RBBP6: variants seen among roughly 807,000 people sequenced by gnomAD.
RBBP6 encodes the protein RB binding protein 6, ubiquitin ligase, also known as E3 ubiquitin-protein ligase RBBP6.
RBBP6 carries 25 observed loss-of-function variants against 167.7 expected under a neutral mutation model. That is an observed-to-expected ratio of 0.15 (90% CI 0.11 to 0.21). The LOEUF (loss-of-function observed/expected upper bound fraction) is 0.21, where lower values mean the gene tolerates loss of function less well. RBBP6 is among the 10% of genes least tolerant of loss of function. The probability of loss-of-function intolerance (pLI) is 1.00; values close to 1 mark genes in which losing one functional copy is unlikely to be tolerated. For missense variants in RBBP6, 1,868 were observed against 2,134.2 expected, an observed-to-expected ratio of 0.88 and a Z score of 2.46; for synonymous variants, 789 against 735.8, an observed-to-expected ratio of 1.07 and a Z score of -1.17.
intron 7 of RBBP6, among the ~76,000 whole-genome samples, chr16:24,558,037 TC>T (rs1299349142): frequency 6.6e-6 from 1 of 152,260 alleles, no homozygotes; most frequent in Non-Finnish European, 1.5e-5. Flanking sequence ...TGTTTCTAAT[TC>T]AGAGACATTT....
At chr16:24,544,987 G>A (rs187975276) in intron 1 of RBBP6, among the ~76,000 whole-genome samples, 34 of 152,210 alleles carry the variant, frequency 2.2e-4, no homozygotes, top group Non-Finnish European at 4.3e-4. Flanking sequence ...AACACAGGTC[G>A]TCATTATCTC....
chr16:24,564,120 C>T (rs182563856), intron 13 of RBBP6, among the ~76,000 whole-genome samples: 2 of 151,964 alleles, frequency 1.3e-5, no homozygotes, highest in East Asian at 1.9e-4. Flanking sequence ...TGTCTGAAAT[C>T]GAGTTGTTCT....
intron 13 of RBBP6, among the ~76,000 whole-genome samples, chr16:24,564,248 C>A (rs1449994364): frequency 1.3e-5 from 2 of 151,780 alleles, no homozygotes; most frequent in East Asian, 3.9e-4. Context: ...TTATATAATC[C>A]GATTGAAAAT....
Position 24,571,626 on chromosome 16 carries a change from T to C in RBBP6, c.4560T>C (p.Asp1520=), listed in dbSNP as rs1431332795. ...AAAATAAACCAAGGGAAGAGAGAGA[T>C]TTGCCTAAAAAAGGAACAGGAGATT... ...GQKNKPREER[D]LPKKGTGDSK... is the part of the protein sequence containing the mutation. Residue 1520 remains aspartate (D), a synonymous_variant, in exon 18 of 18, where the codon GAT becomes GAC. Coordinates refer to ENST00000319715, the MANE Select transcript of RBBP6 (RefSeq NM_006910.5). 5.6e-6 allele frequency: 9 copies of C among 1,611,236 alleles called. No individual in the cohort carries two copies. The African/African-American group carries it at 1.1e-4, about 19-fold the overall frequency.
intron 2 of RBBP6, among the ~76,000 whole-genome samples, chr16:24,548,172 C>G (rs1898706805): frequency 6.6e-6 from 1 of 152,142 alleles, no homozygotes; most frequent in South Asian, 2.1e-4. Flanking sequence ...CTTCCCCTTT[C>G]CTGTGTGGAT....
chr16:24,545,342 T>G (rs8059872), intron 1 of RBBP6, among the ~76,000 whole-genome samples: 152,211 of 152,302 alleles, frequency 1, 76,061 homozygotes, highest in Middle Eastern at 1. Flanking sequence ...AAAATGCTGG[T>G]ATTACAGGCG....
intron 7 of RBBP6, chr16:24,558,361 A>G (rs1001936967): frequency 5.4e-6 from 3 of 553,528 alleles, no homozygotes; most frequent in Non-Finnish European, 6.9e-6. Flanking sequence ...TTCTTTTTCT[A>G]TCCTCTGTTC....
chr16:24,541,201 AAAC>A (rs756241529), intron 1 of RBBP6, among the ~76,000 whole-genome samples: 12,506 of 101,900 alleles, frequency 0.12, 972 homozygotes, highest in Middle Eastern at 0.19. Flanking sequence ...AACAAAAAAA[AAAC>A]CAAAAAAACA....
chr16:24,565,868 A>T (rs1464428396), intron 14 of RBBP6, among the ~76,000 whole-genome samples: 1 of 152,144 alleles, frequency 6.6e-6, no homozygotes, highest in Non-Finnish European at 1.5e-5. Flanking sequence ...GAAGTTCAAG[A>T]TTAGCCTGGG....
chr16:24,570,580 T>C (rs1899302425), intron 17 of RBBP6, 81 bp downstream of exon 17: 2 of 1,262,328 alleles, frequency 1.6e-6, no homozygotes, highest in Non-Finnish European at 2.1e-6. Context: ...GTGCTTTTTA[T>C]ATTAATTATG....
intron 2 of RBBP6, among the ~76,000 whole-genome samples, chr16:24,547,366 T>A (rs1898683889): frequency 6.6e-6 from 1 of 152,246 alleles, no homozygotes; most frequent in Admixed American, 6.5e-5. Context: ...CTTTCCTTGT[T>A]GTAATTGCCA....
rs1898443307 is a variant in RBBP6, at chr16:24,540,074, CCTGGGG to C, written c.-552_-547del. The C allele has an allele frequency of 1.3e-5, 2 of 153,764 alleles. No individual in the cohort carries two copies. Among genetic ancestry groups the C allele is most frequent in the African/African-American group, 2.4e-5 (1 of 41,556 alleles). The allele number at this position is 153,764 out of a possible 1,614,324, so 9.5% of individuals were successfully genotyped here. ...TGTGCGGTGGGGGCCTGGGCCTGGG[CCTGGGG>C]AAGCTGACGCCGGTCGTCCGGAAGC... On this transcript the variant is annotated 5_prime_UTR_variant, in exon 1 of 18. Coordinates refer to ENST00000319715, the MANE Select transcript of RBBP6 (RefSeq NM_006910.5).
At chr16:24,556,226 C>G in intron 6 of RBBP6, 82 bp from the exon 7 acceptor site, 1 of 1,117,706 alleles carries the variant, frequency 8.9e-7, no homozygotes, top group Non-Finnish European at 1.3e-6. Flanking sequence ...ATATAGTAAG[C>G]ACTGTATAAC....
At chr16:24,555,067 A>G (rs776099096) in intron 4 of RBBP6, 2 of 152,466 alleles carry the variant, frequency 1.3e-5, no homozygotes, top group Non-Finnish European at 2.9e-5. Flanking sequence ...GACCTTGTAT[A>G]TCATACCTCA....
rs781698064 is a variant in RBBP6 at position 24,540,633 on chromosome 16, T to C, written c.7T>C (p.Cys3Arg). ...TTAGGAATCCCTTGGCACCATGTCC[T>C]GTGTGCATTATAAATTTTCCTCTAA... The part of the protein sequence containing the change: MS[C>R]VHYKFSSKLN... Residue 3 changes from cysteine (C) to arginine (R), a missense_variant, in exon 1 of 18, where the codon TGT (cysteine) becomes CGT (arginine). Physicochemically the swap from Cys to Arg is radical, Grantham distance 180. Around this residue, in one of 7 missense-constraint regions of RBBP6, gnomAD observed 184 missense variants for 327.7 expected, o/e 0.56. Transcript: ENST00000319715. The C allele has an allele frequency of 1.2e-6, 2 of 1,612,960 alleles. No homozygotes were observed. The highest frequency in any genetic ancestry group is 1.3e-5 in the African/African-American group (1 of 74,898).
rs1899286610 is a variant in RBBP6, at chr16:24,569,953, C to T, written c.3263C>T (p.Pro1088Leu). 6.2e-7 allele frequency: 1 copy of T among 1,600,738 alleles called. No homozygotes were observed. The highest frequency in any genetic ancestry group is 8.5e-7 in the Non-Finnish European group (1 of 1,176,908). ...SQKDEKITGT[P>L]RKAHSKSAKE... ...AAGGATGAAAAAATCACTGGAACCC[C>T]CAGAAAAGCTCACTCTAAATCAGCA... The change falls in exon 17 of 18, where the codon CCC becomes CTC. Residue 1088 changes from proline to leucine, a missense_variant. Physicochemically the swap from Pro to Leu is moderately conservative, Grantham distance 98. Transcript: ENST00000319715.
intron 1 of RBBP6, among the ~76,000 whole-genome samples, chr16:24,542,402 C>T (rs1199640175): frequency 6.6e-6 from 1 of 151,410 alleles, no homozygotes; most frequent in Non-Finnish European, 1.5e-5. Flanking sequence ...ATTACACAAT[C>T]GAATCATTAG....
At chr16:24,558,382 T>C (rs1303549442) in intron 7 of RBBP6, 1 of 766,024 alleles carries the variant, frequency 1.3e-6, no homozygotes, top group Non-Finnish European at 1.6e-6. Context: ...TCCTCTTTTT[T>C]TCTTTTTTTT....
rs370754664 is a variant in RBBP6 at position 24,572,157 on chromosome 16, C to T, written c.5091C>T (p.Ser1697=). The T allele has an allele frequency of 2.0e-5, 32 of 1,613,590 alleles. No individual in the cohort carries two copies. The highest frequency in any genetic ancestry group is 2.5e-5 in the Non-Finnish European group (29 of 1,179,766). The change falls in exon 18 of 18, where the codon AGC becomes AGT. Residue 1697 remains serine (S), a synonymous_variant. Coordinates refer to ENST00000319715, the MANE Select transcript of RBBP6 (RefSeq NM_006910.5). ...GGAATCAGAGCCACAGCAGCCCCAG[C>T]GTCAGCCCCAGCAGAAGCCACAGTC... ...ISRNQSHSSP[S]VSPSRSHSPS... is the part of the protein sequence containing the mutation.
Sources: gnomAD v4.1 joint callset for allele counts (sites outside exome capture counted in the v4.1 genomes callset) on GRCh38, gnomAD v4.1.1 for gene constraint, gnomAD v4.1.1 regional missense constraint, MANE v1.5 for transcripts, NCBI Gene and HGNC (gene_info 2026-07-23, HGNC 2026-07-21) for gene names.